Variants in PAX5 observed in about 807,000 individuals in gnomAD.
PAX5 encodes the protein paired box 5, also known as paired box protein Pax-5.
In PAX5, 9 loss-of-function variants were observed where a neutral mutation model predicts 43.7. The observed-to-expected ratio is 0.21, with a 90% CI of 0.12 to 0.36. The LOEUF (loss-of-function observed/expected upper bound fraction) is 0.36. Among genes scored for constraint, PAX5 ranks in the 10% least tolerant of loss-of-function variants. PAX5 has a pLI of 1.00. For missense variants in PAX5, 383 were observed against 532.7 expected, an observed-to-expected ratio of 0.72 and a Z score of 2.77; for synonymous variants, 228 against 214.3, an observed-to-expected ratio of 1.06 and a Z score of -0.56.
intron 7 of PAX5, 85 bp downstream of exon 7, chr9:36,923,270 C>G (rs1830327486): frequency 1.3e-6 from 2 of 1,515,650 alleles, no homozygotes; most frequent in African/African-American, 1.4e-5. Context: ...CACATCCAAA[C>G]ACACCAAGAA....
chr9:36,853,524 C>A (rs779177771), intron 8 of PAX5, among the ~76,000 whole-genome samples: 34 of 152,114 alleles, frequency 2.2e-4, no homozygotes, highest in Non-Finnish European at 4.6e-4. Flanking sequence ...CCCTGACCTG[C>A]AAATTCAAAG....
In PAX5 at chr9:36,993,215, T is replaced by C. The variant is rs559798625; in HGVS notation, c.604+9433A>G. On this transcript the variant is annotated intron_variant, in intron 5 of 9. Coordinates refer to ENST00000358127, the MANE Select transcript of PAX5 (RefSeq NM_016734.3). ...CTGCAGAACTGTAAGCCAATGCCAT[T>C]CATACTAAATTTTGGGTTTGGAAGA... Among the ~76,000 whole-genome samples the C allele has an allele frequency of 5.3e-5, 8 of 152,230 alleles. No homozygotes were observed. The South Asian group carries it at 1.4e-3, about 28-fold the overall frequency.
At chr9:37,025,223 A>T (rs1840219935) in intron 1 of PAX5, among the ~76,000 whole-genome samples, 1 of 152,140 alleles carries the variant, frequency 6.6e-6, no homozygotes, top group South Asian at 2.1e-4. Context: ...GAAAATTGAC[A>T]CAAAGAGAAA....
chr9:36,860,939 T>C (rs1224659056), intron 8 of PAX5: 1 of 152,250 alleles, frequency 6.6e-6, no homozygotes, highest in Non-Finnish European at 1.5e-5. Flanking sequence ...GACCCATTTT[T>C]TTCTAGGAGA....
At chr9:36,976,369 G>A (rs1185983784) in intron 5 of PAX5, among the ~76,000 whole-genome samples, 1 of 152,202 alleles carries the variant, frequency 6.6e-6, no homozygotes, top group East Asian at 1.9e-4. Context: ...ACTAACAACA[G>A]GGAGGGGGGT....
chr9:36,869,937 T>TGG (rs1825301635), intron 8 of PAX5, among the ~76,000 whole-genome samples: 3 of 101,632 alleles, frequency 3.0e-5, no homozygotes, highest in Admixed American at 9.5e-5. Flanking sequence ...GATGGATGGA[T>TGG]AAATGGATGG....
intron 1 of PAX5, among the ~76,000 whole-genome samples, chr9:37,023,675 A>G (rs1840044085): frequency 6.6e-6 from 1 of 152,126 alleles, no homozygotes. Context: ...AGGCCCTCCC[A>G]ATACCCCCAA....
rs1830531114 is a variant in PAX5, at chr9:36,924,906, T to G, written c.781-1422A>C. Among the ~76,000 whole-genome samples, 4 of 91,778 alleles carry G rather than the reference T, an allele frequency of 4.4e-5. No individual in the cohort carries two copies. The Admixed American group carries it at 4.5e-4, about 10-fold the overall frequency. 60.2% of individuals were successfully genotyped at this position (91,778 alleles called of 152,430 possible). On this transcript the variant is annotated intron_variant, in intron 6 of 9. Coordinates refer to ENST00000358127, the MANE Select transcript of PAX5 (RefSeq NM_016734.3). ...CAAATTTGTTTGTGCATGTGAAGATTTTATGTGGGGAGTTTCCTCCAGGAC... is the reference window on the plus strand; with the variant it reads ...CAAATTTGTTTGTGCATGTGAAGATGTTATGTGGGGAGTTTCCTCCAGGAC...
chr9:37,000,092 G>A (rs1305018752), intron 5 of PAX5, among the ~76,000 whole-genome samples: 3 of 152,074 alleles, frequency 2.0e-5, no homozygotes, highest in African/African-American at 4.8e-5. Context: ...CTAGTAAAAC[G>A]GAAGTGACAG....
intron 8 of PAX5, among the ~76,000 whole-genome samples, chr9:36,873,589 A>T (rs1587834151): frequency 6.6e-6 from 1 of 152,232 alleles, no homozygotes; most frequent in South Asian, 2.1e-4. Flanking sequence ...AGGAGCTTAG[A>T]AAGAAAGTCA....
chr9:36,969,228 C>T (rs540053609), intron 5 of PAX5, among the ~76,000 whole-genome samples: 441 of 152,354 alleles, frequency 2.9e-3, no homozygotes, highest in Non-Finnish European at 4.7e-3. Context: ...GGCTCTGTCC[C>T]CAGCAGGGCA....
chr9:36,860,066 T>C (rs1027037153), intron 8 of PAX5, among the ~76,000 whole-genome samples: 1 of 145,782 alleles, frequency 6.9e-6, no homozygotes, highest in Admixed American at 6.9e-5. Flanking sequence ...GGGCCGGGCA[T>C]AGTGGCTCAC....
At chr9:36,863,892 G>T (rs527462424) in intron 8 of PAX5, among the ~76,000 whole-genome samples, 35 of 152,288 alleles carry the variant, frequency 2.3e-4, no homozygotes, top group Middle Eastern at 3.4e-3. Context: ...GGGCGGATCA[G>T]GAGGTCAGGA....
chr9:37,015,822 C>T lies in PAX5; in HGVS notation c.213-628G>A, dbSNP rs1036295490. 1.2e-4 allele frequency among the ~76,000 whole-genome samples: 18 copies of T among 152,280 alleles called. No individual in the cohort carries two copies. The highest frequency in any genetic ancestry group is 2.2e-4 in the Non-Finnish European group (15 of 68,020). ...CTCGAACTCCCGACCTCAGGTTATC[C>T]GCCTGCCTCGGCCTCCCAAAGTGCT... On this transcript the variant is annotated intron_variant, in intron 2 of 9. Coordinates refer to ENST00000358127, the MANE Select transcript of PAX5 (RefSeq NM_016734.3). This position sits in a 1 kb window ranked among gnomAD's most constrained non-coding sequence, Gnocchi z 4.4.
intron 1 of PAX5, among the ~76,000 whole-genome samples, chr9:37,030,418 C>A (rs1840865937): frequency 6.6e-6 from 1 of 152,152 alleles, no homozygotes; most frequent in Non-Finnish European, 1.5e-5. Flanking sequence ...CGGGCTACTG[C>A]GCCTCAGTCC....
At chr9:36,848,350 C>CCCCACACACACACACA (rs1554646826) in intron 8 of PAX5, among the ~76,000 whole-genome samples, 4 of 136,362 alleles carry the variant, frequency 2.9e-5, no homozygotes, top group African/African-American at 5.7e-5. Context: ...CAGAGCGTGT[C>CCCCACACACACACACA]CACACACACA....
intron 6 of PAX5, among the ~76,000 whole-genome samples, chr9:36,948,695 A>G (rs1019309634): frequency 6.6e-6 from 1 of 152,096 alleles, no homozygotes; most frequent in African/African-American, 2.4e-5. Flanking sequence ...AAGTTCCCAG[A>G]AACTCCCCAG....
rs537863013 is a variant in PAX5 at position 36,971,388 on chromosome 9, C to G, written c.605-4664G>C. On this transcript the variant is annotated intron_variant, in intron 5 of 9. Coordinates refer to ENST00000358127, the MANE Select transcript of PAX5 (RefSeq NM_016734.3). The stretch of plus-strand genomic sequence containing the variant: ...CCAAAACTCAGCCCTTGCACAAGGG[C>G]AGGTCTGAACCTCCAGGCCTCCAGT... Among the ~76,000 whole-genome samples, 3 of 152,310 alleles carry G rather than the reference C, an allele frequency of 2.0e-5. 1 individual carries two copies. The South Asian group carries it at 6.2e-4, about 32-fold the overall frequency.
At chr9:36,986,038 G>A (rs977778834) in intron 5 of PAX5, among the ~76,000 whole-genome samples, 2 of 151,956 alleles carry the variant, frequency 1.3e-5, no homozygotes, top group Non-Finnish European at 2.9e-5. Flanking sequence ...GCCCCTCCAG[G>A]CCGGGTCCCG....
Sources: gnomAD v4.1 joint callset for allele counts (sites outside exome capture counted in the v4.1 genomes callset) on GRCh38, gnomAD v4.1.1 for gene constraint, Gnocchi (gnomAD v3.1) non-coding constraint, MANE v1.5 for transcripts, NCBI Gene and HGNC (gene_info 2026-07-23, HGNC 2026-07-21) for gene names.